CDH13: variants seen among roughly 807,000 people sequenced by gnomAD.
CDH13 encodes the protein cadherin-13.
In CDH13, 24 loss-of-function variants were observed where a neutral mutation model predicts 63.8. The observed-to-expected ratio is 0.38, with a 90% CI of 0.27 to 0.53. The LOEUF (loss-of-function observed/expected upper bound fraction) is 0.53, where lower values mean the gene tolerates loss of function less well. CDH13 is among the 20% of genes least tolerant of loss of function. The probability of loss-of-function intolerance (pLI) is 0.85; values close to 1 mark genes in which losing one functional copy is unlikely to be tolerated. For synonymous variants in CDH13, 503 were observed against 355.3 expected, an observed-to-expected ratio of 1.42 and a Z score of -4.67; for missense variants, 1,049 against 903.1, an observed-to-expected ratio of 1.16 and a Z score of -2.07.
At chr16:83,178,751 C>G (rs907053234) in intron 4 of CDH13, among the ~76,000 whole-genome samples, 8 of 152,062 alleles carry the variant, frequency 5.3e-5, no homozygotes, top group Non-Finnish European at 1.0e-4. Context: ...TCTAGAGAAT[C>G]CATACAGTCA....
intron 2 of CDH13, among the ~76,000 whole-genome samples, chr16:82,957,008 G>T (rs956973598): frequency 6.6e-6 from 1 of 152,160 alleles, no homozygotes; most frequent in Non-Finnish European, 1.5e-5. Context: ...TCTGAGAGAT[G>T]TGTAGGAAGC....
intron 1 of CDH13, among the ~76,000 whole-genome samples, chr16:82,766,536 A>G (rs1463007167): frequency 6.6e-6 from 1 of 152,220 alleles, no homozygotes; most frequent in Non-Finnish European, 1.5e-5. Flanking sequence ...GGAACAAAGC[A>G]GTTAATCTAT....
At chr16:83,361,436 A>C (rs2091159601) in intron 6 of CDH13, among the ~76,000 whole-genome samples, 1 of 152,172 alleles carries the variant, frequency 6.6e-6, no homozygotes, top group Admixed American at 6.5e-5. Flanking sequence ...TAGTTTAATT[A>C]AATCCCACTT....
chr16:82,833,663 A>G (rs1567581955), intron 1 of CDH13, among the ~76,000 whole-genome samples: 1 of 152,212 alleles, frequency 6.6e-6, no homozygotes, highest in African/African-American at 2.4e-5. Flanking sequence ...GTAATAGCCT[A>G]ATGTCAACCT....
intron 2 of CDH13, among the ~76,000 whole-genome samples, chr16:82,932,967 G>A (rs564467245): frequency 1.3e-5 from 2 of 152,252 alleles, no homozygotes; most frequent in African/African-American, 2.4e-5. Flanking sequence ...GCAAGGGTTA[G>A]CATTTTAATT....
Position 83,524,899 on chromosome 16 carries a change from G to T in CDH13, c.960+38244G>T, listed in dbSNP as rs138852476. On this transcript the variant is annotated intron_variant, in intron 7 of 13. Transcript: ENST00000567109. ...GATCAGAGAAGAAATCATATGAGTG[G>T]GTTCCGTGGGCTGTAAATCCTGAAT... 1.8e-4 allele frequency among the ~76,000 whole-genome samples: 28 copies of T among 152,180 alleles called. No homozygotes were observed. The East Asian group carries it at 5.2e-3, about 28-fold the overall frequency.
intron 1 of CDH13, among the ~76,000 whole-genome samples, chr16:82,776,029 G>A (rs1400405482): frequency 1.3e-5 from 2 of 152,134 alleles, no homozygotes; most frequent in African/African-American, 4.8e-5. Context: ...GGCCAATGTG[G>A]CAAAACACTC....
At chr16:83,322,876 A>AT (rs76028935) in intron 5 of CDH13, among the ~76,000 whole-genome samples, 2,746 of 152,202 alleles carry the variant, frequency 0.018, 40 homozygotes, top group African/African-American at 0.041. Context: ...CCACCTTCTG[A>AT]TTTTTTAGAG....
intron 3 of CDH13, among the ~76,000 whole-genome samples, chr16:83,042,905 C>G (rs1054545548): frequency 6.6e-6 from 1 of 152,196 alleles, no homozygotes; most frequent in Non-Finnish European, 1.5e-5. Context: ...GATGTGGACA[C>G]TTAATATGCC....
At chr16:83,377,173 A>G (rs1307202907) in intron 6 of CDH13, among the ~76,000 whole-genome samples, 1 of 152,280 alleles carries the variant, frequency 6.6e-6, no homozygotes, top group East Asian at 1.9e-4. Flanking sequence ...AAGTGACAAA[A>G]TGTTTAGATG....
intron 3 of CDH13, among the ~76,000 whole-genome samples, chr16:83,081,964 C>G (rs754257848): frequency 1.3e-5 from 2 of 152,092 alleles, no homozygotes; most frequent in East Asian, 1.9e-4. Context: ...CCACGCCCAG[C>G]TAATTTTCTA....
chr16:83,545,794 A>G (rs891470607), intron 7 of CDH13, among the ~76,000 whole-genome samples: 9 of 152,110 alleles, frequency 5.9e-5, no homozygotes, highest in African/African-American at 2.2e-4. Flanking sequence ...CTCCTACTTC[A>G]AGACCGCATT....
intron 4 of CDH13, among the ~76,000 whole-genome samples, chr16:83,210,067 TTTTG>T (rs970228181): frequency 8.6e-5 from 13 of 150,898 alleles, no homozygotes; most frequent in South Asian, 2.1e-4. Context: ...ATGGGGTGTT[TTTTG>T]TTTGTTTGTT....
chr16:83,686,868 G>T (rs1190455494), intron 10 of CDH13, among the ~76,000 whole-genome samples: 1 of 152,110 alleles, frequency 6.6e-6, no homozygotes, highest in Non-Finnish European at 1.5e-5. Flanking sequence ...TAGATTAATG[G>T]CAGCTGGGTT....
intron 7 of CDH13, among the ~76,000 whole-genome samples, chr16:83,602,110 A>C (rs976067125): frequency 0.026 from 691 of 26,208 alleles, 32 homozygotes; most frequent in African/African-American, 0.14. Flanking sequence ...ACAACAACAA[A>C]AAAAAAAAAA....
intron 3 of CDH13, among the ~76,000 whole-genome samples, chr16:83,036,138 C>G (rs1916828580): frequency 7.1e-6 from 1 of 141,634 alleles, no homozygotes; most frequent in Non-Finnish European, 1.5e-5. Flanking sequence ...CTCTGGAGCT[C>G]TCCTCTTTTT....
intron 5 of CDH13, among the ~76,000 whole-genome samples, chr16:83,316,379 T>A (rs1044511287): frequency 3.3e-5 from 5 of 152,160 alleles, no homozygotes; most frequent in Non-Finnish European, 5.9e-5. Context: ...GTTTGAACTA[T>A]TTCATATGTG....
intron 2 of CDH13, among the ~76,000 whole-genome samples, chr16:82,864,267 T>C (rs7205384): frequency 0.036 from 5,501 of 152,270 alleles, 321 homozygotes; most frequent in African/African-American, 0.12. Context: ...CCTGTCCATG[T>C]TGACAAAAGA....
intron 2 of CDH13, among the ~76,000 whole-genome samples, chr16:82,916,403 G>C (rs13332124): frequency 6.6e-6 from 1 of 151,976 alleles, no homozygotes; most frequent in African/African-American, 2.4e-5. Flanking sequence ...GTGAAACCCC[G>C]TCTCTACTAA....
Sources: allele counts gnomAD v4.1 joint callset (sites outside exome capture counted in the v4.1 genomes callset), GRCh38; gene constraint gnomAD v4.1.1; transcripts MANE v1.5; gene names NCBI Gene and HGNC (gene_info 2026-07-23, HGNC 2026-07-21).